The following MXRA5 variants were observed in gnomAD, a reference collection of about 807,000 sequenced individuals.
The protein encoded by MXRA5 is matrix-remodeling-associated protein 5.
A neutral mutation model predicts 112.5 loss-of-function variants in MXRA5; 41 were observed. The ratio of observed to expected loss-of-function variants is 0.36; its 90% confidence interval spans 0.28 to 0.47. The LOEUF (loss-of-function observed/expected upper bound fraction) is 0.47, where lower values mean the gene tolerates loss of function less well. Ranked by LOEUF, MXRA5 falls within the 20% of genes least tolerant of loss-of-function variation. The pLI is 0.99. For synonymous variants in MXRA5, 862 were observed against 900.8 expected, an observed-to-expected ratio of 0.96 and a Z score of 0.77; for missense variants, 2,150 against 2,251.0, an observed-to-expected ratio of 0.96 and a Z score of 0.91.
chrX:3,333,367 T>C (rs1603468165), intron 2 of MXRA5, among the ~76,000 whole-genome samples: 1 of 86,127 alleles, frequency 1.2e-5, no homozygotes, highest in African/African-American at 4.3e-5. Context: ...CTTTCCAAAA[T>C]TTTCAAGGAA....
intron 5 of MXRA5, among the ~76,000 whole-genome samples, chrX:3,319,660 G>T (rs1361975075): frequency 9.0e-6 from 1 of 111,474 alleles, no homozygotes; most frequent in Non-Finnish European, 1.9e-5. Flanking sequence ...TAGACACTTG[G>T]GACTAGTAGA....
At chrX:3,343,315 T>A (rs1922031140) in intron 2 of MXRA5, among the ~76,000 whole-genome samples, 1 of 112,256 alleles carries the variant, frequency 8.9e-6, no homozygotes, top group Non-Finnish European at 1.9e-5. Context: ...TGTTTAAGTG[T>A]GTGTCTCATG....
Position 3,311,139 on chromosome X carries a change from G to A in MXRA5, c.7064C>T (p.Ala2355Val), listed in dbSNP as rs138889165. 75 of 1,209,433 alleles carry A rather than the reference G, an allele frequency of 6.2e-5. No homozygotes were observed. The highest frequency in any genetic ancestry group is 2.3e-4 in the Middle Eastern group (1 of 4,375). ...CACGTCTCCATAGGGCACCTGAACCGCCAAGTAAGTCTTGTTCCGGATGGT... is the reference window on the plus strand; with the variant it reads ...CACGTCTCCATAGGGCACCTGAACCACCAAGTAAGTCTTGTTCCGGATGGT... ...PATIRNKTYL[A>V]VQVPYGDVVT... The change falls in exon 7 of 7, where the codon GCG becomes GTG. Residue 2355 changes from alanine to valine, a missense_variant. By Grantham distance (64) the Ala-to-Val change is moderately conservative. Transcript: ENST00000217939.
intron 4 of MXRA5, among the ~76,000 whole-genome samples, chrX:3,328,876 G>A: frequency 1.0e-5 from 1 of 98,854 alleles, no homozygotes; most frequent in South Asian, 5.3e-4. Flanking sequence ...GAAGGCAGGA[G>A]GAAGGAAGGA....
intron 6 of MXRA5, among the ~76,000 whole-genome samples, chrX:3,314,391 T>G (rs1207495372): frequency 1.8e-5 from 2 of 110,444 alleles, no homozygotes; most frequent in Non-Finnish European, 3.8e-5. Context: ...CACAAAATGT[T>G]GCCAGACACA....
intron 6 of MXRA5, among the ~76,000 whole-genome samples, chrX:3,315,928 A>C (rs1219760216): frequency 1.6e-4 from 17 of 108,504 alleles, no homozygotes; most frequent in African/African-American, 5.5e-4. Context: ...TCATTAAAAC[A>C]AGAATTTCTT....
rs774579763 is a variant in MXRA5, at chrX:3,323,922, C to T, written c.1763G>A (p.Gly588Asp). ...QPAEKDTVTI[G>D]KNPGESVTLP... ...TGTCACCGACTCCCCTGGGTTCTTG[C>T]CAATTGTCACTGTGTCTTTCTCGGC... The change falls in exon 5 of 7, where the codon GGC becomes GAC. Residue 588 changes from glycine to aspartate, a missense_variant. Gly to Asp is a moderately conservative substitution (Grantham distance 94, BLOSUM62 -1). This residue lies in a region of MXRA5 where 1,485 missense variants were observed against 1,471.6 expected (regional missense o/e 1.01). Transcript: ENST00000217939. 1 of 1,206,006 alleles carries T rather than the reference C, an allele frequency of 8.3e-7. No individual in the cohort carries two copies. Among genetic ancestry groups the T allele is most frequent in the Admixed American group, 2.2e-5 (1 of 45,692 alleles).
At chrX:3,315,395 A>AGAT (rs1921084146) in intron 6 of MXRA5, among the ~76,000 whole-genome samples, 3 of 61,237 alleles carry the variant, frequency 4.9e-5, no homozygotes, top group African/African-American at 2.6e-4. Flanking sequence ...GATAGATGAT[A>AGAT]GATAGATAGA....
At position 3,322,660 on chromosome X, in the gene MXRA5, C is replaced by T; in HGVS notation, c.3025G>A (p.Val1009Ile). 1 of 1,211,576 alleles carries T rather than the reference C, an allele frequency of 8.3e-7. No individual in the cohort carries two copies. Among genetic ancestry groups the T allele is most frequent in the Non-Finnish European group, 1.1e-6 (1 of 895,438 alleles). The stretch of plus-strand genomic sequence containing the variant: ...AACTGTGATGTACTGGAGTCATTAA[C>T]CCAGATGGTGGGGGTTGGAGTAAGG... ...AHLTPTPTIWVNDSSTSQLFE... is the reference protein window; with the variant it reads ...AHLTPTPTIWINDSSTSQLFE... The change falls in exon 5 of 7, where the codon GTT (valine) becomes ATT (isoleucine). Residue 1009 changes from valine to isoleucine, a missense_variant. This residue lies in a region of MXRA5 where 1,485 missense variants were observed against 1,471.6 expected (regional missense o/e 1.01). Coordinates refer to ENST00000217939, the MANE Select transcript of MXRA5 (RefSeq NM_015419.4).
rs1214043905 is a variant in MXRA5 at position 3,328,754 on chromosome X, A to AAAGG, written c.709+1260_709+1263dup. On this transcript the variant is annotated intron_variant, in intron 4 of 6. Transcript: ENST00000217939. The stretch of plus-strand genomic sequence containing the variant: ...AAGGTAGGGCTTAGAGAAGGGGGAG[A>AAAGG]AAGGAAGGAAGGAAGGGAAGATAGG... Among the ~76,000 whole-genome samples the AAAGG allele has an allele frequency of 9.2e-4, 97 of 104,981 alleles. 1 individual carries two copies. The Admixed American group carries it at 0.01, about 11-fold the overall frequency. The allele number at this position is 104,981 out of a possible 115,157, so 91.2% of individuals were successfully genotyped here. A position where few individuals can be genotyped will look rare whatever the true frequency, so the allele number is the denominator to read the frequency against.
intron 2 of MXRA5, among the ~76,000 whole-genome samples, chrX:3,340,028 C>A (rs938736046): frequency 9.1e-6 from 1 of 110,320 alleles, no homozygotes; most frequent in African/African-American, 3.4e-5. Flanking sequence ...AGAAAGGCAT[C>A]ATCAAAACCA....
intron 6 of MXRA5, among the ~76,000 whole-genome samples, chrX:3,312,778 C>A (rs185838702): frequency 1.1e-4 from 12 of 110,449 alleles, no homozygotes; most frequent in Middle Eastern, 4.7e-3. Context: ...CTATGTTGTC[C>A]AGACTGAGTT....
In MXRA5 at chrX:3,323,364, G is replaced by T. The variant is rs756348555; in HGVS notation, c.2321C>A (p.Ala774Glu). 1.7e-6 allele frequency: 2 copies of T among 1,211,616 alleles called. No individual in the cohort carries two copies. The highest frequency in any genetic ancestry group is 3.0e-5 in the East Asian group (1 of 33,836). Residue 774 changes from alanine (A) to glutamate (E), a missense_variant, in exon 5 of 7, where the codon GCA (alanine) becomes GAA (glutamate). Ala to Glu is a moderately radical substitution (Grantham distance 107). Transcript: ENST00000217939. ...GCGCTCCGGATTAATCTGTTTGTTT[G>T]CCATGTTTATCCTTCGTCTAGATTC... ...VFESRRRINM[A>E]NKQINPERWA...
Position 3,322,422 on chromosome X carries a change from T to C in MXRA5, c.3263A>G (p.Gln1088Arg), listed in dbSNP as rs1283582408. The stretch of plus-strand genomic sequence containing the variant: ...AGGCAAAGTGATGGATTTGCTCTCT[T>C]GGCCCTCACTCTCAGAACTTCTGGA... ...THSRSSESEG[Q>R]ESKSITLPDS... is the part of the protein sequence containing the mutation. The change falls in exon 5 of 7, where the codon CAA becomes CGA. Residue 1088 changes from glutamine (Q) to arginine (R), a missense_variant. Around this residue, in one of 6 missense-constraint regions of MXRA5, gnomAD observed 1,485 missense variants for 1,471.6 expected, o/e 1.01. Transcript: ENST00000217939. The C allele has an allele frequency of 8.3e-7, 1 of 1,211,703 alleles. No homozygotes were observed. Among genetic ancestry groups the C allele is most frequent in the South Asian group, 1.8e-5 (1 of 56,959 alleles).
intron 2 of MXRA5, among the ~76,000 whole-genome samples, chrX:3,341,928 A>G (rs1481415226): frequency 6.5e-5 from 7 of 108,107 alleles, no homozygotes; most frequent in Middle Eastern, 4.6e-3. Flanking sequence ...TTACAGTTAA[A>G]GCCCCACTTT....
At chrX:3,333,874 G>C (rs1416597865) in intron 2 of MXRA5, among the ~76,000 whole-genome samples, 4 of 111,880 alleles carry the variant, frequency 3.6e-5, no homozygotes, top group Non-Finnish European at 7.5e-5. Context: ...TTCCTGCAGA[G>C]TATAATAAAG....
rs150094241 is a variant in MXRA5 at position 3,320,746 on chromosome X, C to G, written c.4939G>C (p.Glu1647Gln). ...QSPRHWTNKP[E>Q]ITTYPSGALP... is the part of the protein sequence containing the mutation. Reference sequence around the variant, plus strand: ...GCCCCAGAAGGATATGTAGTTATTTCCGGTTTGTTGGTCCAGTGACGAGGT... The same window carrying G: ...GCCCCAGAAGGATATGTAGTTATTTGCGGTTTGTTGGTCCAGTGACGAGGT... Residue 1647 changes from glutamate (E) to glutamine (Q), a missense_variant, in exon 5 of 7, where the codon GAA becomes CAA. Glu to Gln is a conservative substitution (Grantham distance 29). This residue lies in a region of MXRA5 where 1,485 missense variants were observed against 1,471.6 expected (regional missense o/e 1.01). Coordinates refer to ENST00000217939, the MANE Select transcript of MXRA5 (RefSeq NM_015419.4). 8.5e-5 allele frequency: 103 copies of G among 1,210,233 alleles called. No individual in the cohort carries two copies. The African/African-American group carries it at 1.6e-3, about 18-fold the overall frequency.
rs374038604 is a variant in MXRA5, at chrX:3,330,064, G to A, written c.663C>T (p.Cys221=). Residue 221 remains cysteine, a synonymous_variant, in exon 4 of 7, where the codon TGC becomes TGT. Coordinates refer to ENST00000217939, the MANE Select transcript of MXRA5 (RefSeq NM_015419.4). ...CCAAAAACCATCTCATCTCACAATC[G>A]CAGGTCCACGGATTTCCCTGCAAGT... ...NLYLQGNPWT[C]DCEMRWFLEW... 2.0e-4 allele frequency: 244 copies of A among 1,208,933 alleles called. No individual in the cohort carries two copies. The highest frequency in any genetic ancestry group is 1.7e-4 in the Non-Finnish European group (155 of 895,001).
Position 3,317,860 on chromosome X carries a change from C to G in MXRA5, c.5821G>C (p.Val1941Leu). ...SNLHGLDRMV[V>L]LLSVTVQQPQ... is the part of the protein sequence containing the mutation. ...TGCTGCACGGTGACCGAAAGCAAGA[C>G]CACCATCCTGTCCAGGCCGTGCAGG... The change falls in exon 6 of 7, where the codon GTC (valine) becomes CTC (leucine). Residue 1941 changes from valine to leucine, a missense_variant. Transcript: ENST00000217939. 1 of 1,211,694 alleles carries G rather than the reference C, an allele frequency of 8.3e-7. No homozygotes were observed.
Sources: gnomAD v4.1 joint callset for allele counts (sites outside exome capture counted in the v4.1 genomes callset) on GRCh38, gnomAD v4.1.1 for gene constraint, gnomAD v4.1.1 regional missense constraint, MANE v1.5 for transcripts, NCBI Gene and HGNC (gene_info 2026-07-23, HGNC 2026-07-21) for gene names.